SLAIN2: variants seen among roughly 807,000 people sequenced by gnomAD.
SLAIN2 encodes the protein SLAIN motif-containing protein 2.
SLAIN2 carries 31 observed loss-of-function variants against 56.6 expected under a neutral mutation model. The observed-to-expected ratio is 0.55, with a 90% CI of 0.41 to 0.74. SLAIN2 has a LOEUF of 0.74. Ranked by LOEUF, SLAIN2 falls within the 30% of genes least tolerant of loss-of-function variation. SLAIN2 has a pLI of 0.00. For synonymous variants in SLAIN2, 317 were observed against 284.9 expected (o/e 1.11, Z -1.13); for missense variants, 777 against 754.2 (o/e 1.03, Z -0.35).
At chr4:48,351,462 T>C (rs1577708311) in intron 1 of SLAIN2, among the ~76,000 whole-genome samples, 1 of 152,334 alleles carries the variant, frequency 6.6e-6, no homozygotes, top group East Asian at 1.9e-4. Flanking sequence ...TGTTGACCTG[T>C]CACAGTGAAA....
At chr4:48,343,225 T>A (rs550937530) in intron 1 of SLAIN2, among the ~76,000 whole-genome samples, 1 of 152,334 alleles carries the variant, frequency 6.6e-6, no homozygotes, top group South Asian at 2.1e-4. Flanking sequence ...TTACTAGCAG[T>A]ATGACCTTGA....
intron 1 of SLAIN2, among the ~76,000 whole-genome samples, chr4:48,365,617 G>C (rs932938178): frequency 1.3e-5 from 2 of 151,744 alleles, no homozygotes; most frequent in African/African-American, 2.4e-5. Flanking sequence ...GTGGAGTGCA[G>C]TGGCGGGATC....
At chr4:48,350,940 T>C (rs893516356) in intron 1 of SLAIN2, among the ~76,000 whole-genome samples, 4 of 152,194 alleles carry the variant, frequency 2.6e-5, no homozygotes, top group African/African-American at 9.7e-5. Flanking sequence ...TTCTTGAAAG[T>C]ATTTGGAAAG....
intron 6 of SLAIN2, among the ~76,000 whole-genome samples, chr4:48,401,538 C>A (rs1716557247): frequency 6.6e-6 from 1 of 152,126 alleles, no homozygotes; most frequent in African/African-American, 2.4e-5. Flanking sequence ...TAATGCCCTT[C>A]TTTGTCTTTT....
intron 6 of SLAIN2, among the ~76,000 whole-genome samples, chr4:48,396,202 A>G (rs1716382170): frequency 6.6e-6 from 1 of 152,126 alleles, no homozygotes; most frequent in Admixed American, 6.5e-5. Context: ...GGAAAGCCCA[A>G]ACTTGGAACT....
intron 1 of SLAIN2, among the ~76,000 whole-genome samples, chr4:48,356,130 G>A (rs1046067081): frequency 1.3e-5 from 2 of 152,056 alleles, no homozygotes; most frequent in Non-Finnish European, 2.9e-5. Flanking sequence ...TTATCATCTT[G>A]GATTTGAAGA....
chr4:48,399,063 T>C (rs970441219), intron 6 of SLAIN2, among the ~76,000 whole-genome samples: 6 of 152,208 alleles, frequency 3.9e-5, no homozygotes, highest in Non-Finnish European at 2.9e-5. Context: ...GGGAATAGCA[T>C]TGAATCCATA....
intron 6 of SLAIN2, among the ~76,000 whole-genome samples, chr4:48,411,603 GTT>G (rs3072284): frequency 4.0e-5 from 6 of 148,230 alleles, no homozygotes; most frequent in South Asian, 2.1e-4. Context: ...TATCTTCTGA[GTT>G]TTTTTTTTTT....
At position 48,393,770 on chromosome 4, in the gene SLAIN2, A is replaced by G. The variant is rs370303565; in HGVS notation, c.1360+9986A>G. Among the ~76,000 whole-genome samples, 39 of 152,292 alleles carry G rather than the reference A, an allele frequency of 2.6e-4. 1 individual carries two copies. The highest frequency in any genetic ancestry group is 1.3e-3 in the East Asian group (7 of 5,188). ...TGAGAGTCATCAGTCTGTCAGAGCC[A>G]TAGTAACTGTATATTGGGGAAATTG... On this transcript the variant is annotated intron_variant, in intron 6 of 7. Coordinates refer to ENST00000264313, the MANE Select transcript of SLAIN2 (RefSeq NM_020846.2).
chr4:48,394,749 AC>A, intron 6 of SLAIN2: 1 of 839,974 alleles, frequency 1.2e-6, no homozygotes, highest in South Asian at 1.7e-5. Context: ...TCTGTAAGGC[AC>A]ATTTTAGTCT....
chr4:48,407,939 A>G (rs1361488979), intron 6 of SLAIN2, among the ~76,000 whole-genome samples: 1 of 152,204 alleles, frequency 6.6e-6, no homozygotes, highest in Admixed American at 6.5e-5. Context: ...TATAAATGGA[A>G]TTATACAATA....
chr4:48,353,007 C>T (rs1306756346), intron 1 of SLAIN2, among the ~76,000 whole-genome samples: 1 of 152,150 alleles, frequency 6.6e-6, no homozygotes, highest in Admixed American at 6.6e-5. Flanking sequence ...CTCCCTTTGC[C>T]TGCTGCAATC....
chr4:48,388,153 C>T (rs1577726649), intron 6 of SLAIN2, among the ~76,000 whole-genome samples: 1 of 152,052 alleles, frequency 6.6e-6, no homozygotes, highest in African/African-American at 2.4e-5. Flanking sequence ...TGGATGCTGG[C>T]ATTGAAATAT....
intron 1 of SLAIN2, among the ~76,000 whole-genome samples, chr4:48,347,631 T>C (rs1714903888): frequency 6.6e-6 from 1 of 152,216 alleles, no homozygotes; most frequent in African/African-American, 2.4e-5. Flanking sequence ...TAACAAAATT[T>C]ACCATGTTAA....
At chr4:48,351,191 A>G (rs1433970883) in intron 1 of SLAIN2, among the ~76,000 whole-genome samples, 6 of 152,196 alleles carry the variant, frequency 3.9e-5, no homozygotes, top group South Asian at 2.1e-4. Context: ...GAGTGGGCCA[A>G]GCTAGTCTGT....
At chr4:48,371,725 T>TGAGTCCAG (rs1414271857) in intron 2 of SLAIN2, among the ~76,000 whole-genome samples, 1 of 151,980 alleles carries the variant, frequency 6.6e-6, no homozygotes, top group African/African-American at 2.4e-5. Flanking sequence ...GAGGATCACT[T>TGAGTCCAG]GAGTCCAGGA....
chr4:48,395,810 C>CTTTTTTTTTTTTTTTTTTTT (rs10649464), intron 6 of SLAIN2, among the ~76,000 whole-genome samples: 3 of 72,772 alleles, frequency 4.1e-5, no homozygotes, highest in African/African-American at 2.0e-4. Flanking sequence ...GAACCTTAGG[C>CTTTTTTTTTTTTTTTTTTTT]TTTTTTTTTT....
chr4:48,362,746 T>TTAA (rs1553902291), intron 1 of SLAIN2, among the ~76,000 whole-genome samples: 1 of 126,374 alleles, frequency 7.9e-6, no homozygotes, highest in African/African-American at 3.1e-5. Context: ...TTTTTTTTTT[T>TTAA]ATTCTTTTTT....
At chr4:48,366,577 GT>G (rs1260390804) in intron 1 of SLAIN2, among the ~76,000 whole-genome samples, 8 of 152,140 alleles carry the variant, frequency 5.3e-5, no homozygotes, top group African/African-American at 1.9e-4. Context: ...TGCCACTCCA[GT>G]TTTTGTAGTT....
Sources: gnomAD v4.1 joint callset for allele counts (sites outside exome capture counted in the v4.1 genomes callset) on GRCh38, gnomAD v4.1.1 for gene constraint, MANE v1.5 for transcripts, NCBI Gene and HGNC (gene_info 2026-07-23, HGNC 2026-07-21) for gene names.